The following ESYT2 variants were observed in gnomAD, a reference collection of about 807,000 sequenced individuals.
ESYT2 encodes extended synaptotagmin-2.
ESYT2 carries 54 observed loss-of-function variants against 107.2 expected under a neutral mutation model. The ratio of observed to expected loss-of-function variants is 0.50; its 90% CI spans 0.40 to 0.63. ESYT2 has a LOEUF of 0.63. Among genes scored for constraint, ESYT2 ranks in the 30% least tolerant of loss-of-function variants. The pLI, the probability that ESYT2 is intolerant of heterozygous loss-of-function variation, is 0.00. For missense variants in ESYT2, 1,020 were observed against 1,094.5 expected (o/e 0.93, Z 0.96); for synonymous variants, 491 against 434.1 (o/e 1.13, Z -1.63).
intron 1 of ESYT2, among the ~76,000 whole-genome samples, chr7:158,828,715 G>C (rs909399414): frequency 6.6e-6 from 1 of 152,148 alleles, no homozygotes; most frequent in African/African-American, 2.4e-5. Flanking sequence ...AGCGGGCGGC[G>C]GCCCCAGGCG....
chr7:158,778,798 A>G (rs572315466), intron 6 of ESYT2, among the ~76,000 whole-genome samples: 1 of 152,210 alleles, frequency 6.6e-6, no homozygotes, highest in African/African-American at 2.4e-5. Flanking sequence ...TATCGTGTAT[A>G]AAGGTGCTAT....
At chr7:158,784,077 C>T (rs1839023753) in intron 6 of ESYT2, among the ~76,000 whole-genome samples, 1 of 152,144 alleles carries the variant, frequency 6.6e-6, no homozygotes, top group African/African-American at 2.4e-5. Flanking sequence ...AGGAGGGTCT[C>T]TGGGAGAGCT....
At chr7:158,771,840 C>T (rs1051959760) in intron 7 of ESYT2, among the ~76,000 whole-genome samples, 3 of 152,078 alleles carry the variant, frequency 2.0e-5, no homozygotes, top group African/African-American at 7.2e-5. Flanking sequence ...ATTTACTGGC[C>T]GGGTGCGGTG....
intron 3 of ESYT2, 101 bp from the exon 4 acceptor site, chr7:158,793,827 G>C (rs1434203049): frequency 5.5e-6 from 5 of 915,570 alleles, no homozygotes; most frequent in Non-Finnish European, 4.9e-6. Context: ...TTAAATTTCA[G>C]ACTACAACAG....
In ESYT2 at chr7:158,829,381, G is replaced by C; in HGVS notation, c.38C>G (p.Ala13Gly). Residue 13 changes from alanine to glycine, a missense_variant, in exon 1 of 23, where the codon GCC (alanine) becomes GGC (glycine). Transcript: ENST00000275418. ...GARGEGPEAG[A>G]GGAGGRAAPE... ...CGCCGCGCGGCCCCCAGCCCCGCCG[G>C]CGCCCGCCTCCGGGCCCTCGCCCCG... The C allele has an allele frequency of 4.0e-6, 5 of 1,262,940 alleles. No individual in the cohort carries two copies. The highest frequency in any genetic ancestry group is 4.9e-6 in the Non-Finnish European group (5 of 1,010,864). 78.2% of individuals were successfully genotyped at this position (1,262,940 alleles called of 1,614,324 possible).
In ESYT2 at chr7:158,781,572, CAA is replaced by C. The variant is rs935915905; in HGVS notation, c.747+6430_747+6431del. ...ACAAGTGAGTGAACGACTGTGAGAACAAAGTGTGAGAGGTTTGAGTATAAGAC... is the reference window on the plus strand; with the variant it reads ...ACAAGTGAGTGAACGACTGTGAGAACAGTGTGAGAGGTTTGAGTATAAGAC... On this transcript the variant is annotated intron_variant, in intron 6 of 22. Coordinates refer to ENST00000275418, the MANE Select transcript of ESYT2 (RefSeq NM_001367773.1). Among the ~76,000 whole-genome samples the C allele has an allele frequency of 2.1e-4, 31 of 147,762 alleles. No individual in the cohort carries two copies. The East Asian group carries it at 5.7e-3, about 27-fold the overall frequency.
chr7:158,814,936 C>G (rs1840107861), intron 1 of ESYT2, among the ~76,000 whole-genome samples: 1 of 147,938 alleles, frequency 6.8e-6, no homozygotes, highest in East Asian at 2.8e-4. Context: ...CTACTGCCAT[C>G]AAGAGAGAGG....
intron 6 of ESYT2, among the ~76,000 whole-genome samples, chr7:158,774,433 A>G (rs1397697269): frequency 6.6e-6 from 1 of 152,002 alleles, no homozygotes; most frequent in African/African-American, 2.4e-5. Context: ...CATCAGTATC[A>G]ACCTATGCTT....
intron 11 of ESYT2, among the ~76,000 whole-genome samples, chr7:158,760,732 C>T (rs1837933752): frequency 6.6e-6 from 1 of 152,152 alleles, no homozygotes; most frequent in Non-Finnish European, 1.5e-5. Flanking sequence ...TCACTCTATA[C>T]TAATAAAATA....
intron 6 of ESYT2, among the ~76,000 whole-genome samples, chr7:158,780,086 A>T (rs7800607): frequency 0.025 from 3,685 of 148,748 alleles, 144 homozygotes; most frequent in East Asian, 0.12. Context: ...TCTAAACTTT[A>T]AAGTACAATT....
intron 13 of ESYT2, among the ~76,000 whole-genome samples, chr7:158,756,286 T>C (rs1837752488): frequency 6.6e-6 from 1 of 152,316 alleles, no homozygotes; most frequent in South Asian, 2.1e-4. Context: ...CTGAAGCAGG[T>C]GAAAACGGCT....
At chr7:158,775,310 T>C (rs1190652866) in intron 6 of ESYT2, among the ~76,000 whole-genome samples, 1 of 152,170 alleles carries the variant, frequency 6.6e-6, no homozygotes, top group African/African-American at 2.4e-5. Context: ...TGCTGAAGGT[T>C]AGGGTAAGAC....
intron 1 of ESYT2, among the ~76,000 whole-genome samples, chr7:158,800,359 T>C (rs1392077468): frequency 6.6e-6 from 1 of 152,142 alleles, no homozygotes; most frequent in Non-Finnish European, 1.5e-5. Flanking sequence ...GGATATTTTA[T>C]TTTAGCCCCA....
chr7:158,761,026 G>C (rs12668655), intron 11 of ESYT2, among the ~76,000 whole-genome samples: 19,610 of 152,082 alleles, frequency 0.13, 1,906 homozygotes, highest in East Asian at 0.43. Context: ...TTTTTATTCT[G>C]ATAGCAATAA....
chr7:158,828,297 G>A (rs1584896243), intron 1 of ESYT2, among the ~76,000 whole-genome samples: 1 of 152,234 alleles, frequency 6.6e-6, no homozygotes, highest in African/African-American at 2.4e-5. Flanking sequence ...ACAGAGAGAA[G>A]GAAAAGCTGA....
At chr7:158,760,757 CA>C (rs1237132708) in intron 11 of ESYT2, among the ~76,000 whole-genome samples, 2 of 152,180 alleles carry the variant, frequency 1.3e-5, no homozygotes, top group Non-Finnish European at 2.9e-5. Flanking sequence ...ACAGTTGTAT[CA>C]GCTTAAAAGT....
intron 17 of ESYT2, among the ~76,000 whole-genome samples, chr7:158,742,230 G>A (rs895632282): frequency 2.6e-5 from 4 of 152,116 alleles, no homozygotes; most frequent in South Asian, 2.1e-4. Flanking sequence ...CGAGGCCTGC[G>A]TCTTCAGGCT....
At position 158,767,905 on chromosome 7, in the gene ESYT2, C is replaced by T. The variant is rs113521332; in HGVS notation, c.804-131G>A. On this transcript the variant is annotated intron_variant, in intron 7 of 22. Transcript: ENST00000275418. ...TTACAGAGTAGGAGTTATCTCATTCCTCCAGTGCAATATTTACAACCTGCA... is the reference window on the plus strand; with the variant it reads ...TTACAGAGTAGGAGTTATCTCATTCTTCCAGTGCAATATTTACAACCTGCA... The T allele has an allele frequency of 2.7e-3, 2,805 of 1,025,228 alleles. 54 individuals are homozygous for T. In the African/African-American group the frequency reaches 0.042, roughly 15 times the overall value. 63.5% of individuals were successfully genotyped at this position (1,025,228 alleles called of 1,614,324 possible).
chr7:158,821,775 A>G (rs1056971039), intron 1 of ESYT2, among the ~76,000 whole-genome samples: 1 of 152,112 alleles, frequency 6.6e-6, no homozygotes, highest in Admixed American at 6.5e-5. Flanking sequence ...ACTTCCATGC[A>G]TTTCCCTCCA....
Sources: allele counts gnomAD v4.1 joint callset (sites outside exome capture counted in the v4.1 genomes callset), GRCh38; gene constraint gnomAD v4.1.1; transcripts MANE v1.5; gene names NCBI Gene and HGNC (gene_info 2026-07-23, HGNC 2026-07-21).